Variants in CADPS observed in about 807,000 individuals in gnomAD.
CADPS encodes the protein calcium-dependent secretion activator 1.
A neutral mutation model predicts 167.3 loss-of-function variants in CADPS; 57 were observed. That is an observed-to-expected ratio of 0.34 (90% CI 0.28 to 0.42). CADPS has a LOEUF of 0.42. Ranked by LOEUF, CADPS falls within the 20% of genes least tolerant of loss-of-function variation. The pLI, the probability that CADPS is intolerant of heterozygous loss-of-function variation, is 1.00. For synonymous variants in CADPS, 676 were observed against 635.3 expected (o/e 1.06, Z -0.96); for missense variants, 1,414 against 1,738.1 (o/e 0.81, Z 3.32).
chr3:62,449,798 A>AGT (rs71786216), intron 26 of CADPS, among the ~76,000 whole-genome samples: 44,382 of 150,348 alleles, frequency 0.3, 6,680 homozygotes, highest in Middle Eastern at 0.41. Flanking sequence ...TTGTTAAAAG[A>AGT]GTGTGTGTGT....
chr3:62,592,579 G>A lies in CADPS; in HGVS notation c.1437+58C>T, dbSNP rs536102981. 211 of 1,331,362 alleles carry A rather than the reference G, an allele frequency of 1.6e-4. 2 individuals carry two copies. In the South Asian group the frequency reaches 2.4e-3, roughly 15 times the overall value. The allele number at this position is 1,331,362 out of a possible 1,614,324, so 82.5% of individuals were successfully genotyped here. A position where few individuals can be genotyped will look rare whatever the true frequency, so the allele number is the denominator to read the frequency against. On this transcript the variant is annotated intron_variant, in intron 7 of 29. Transcript: ENST00000383710. ...CTGCCTCTTGGTGACCTGTGCACTG[G>A]AGACCTAGCTGGGGAAATCCTCTCT... is the stretch of plus-strand genomic sequence containing the variant.
intron 7 of CADPS, 106 bp from the exon 8 acceptor site, chr3:62,585,430 T>A: frequency 1.7e-6 from 2 of 1,157,542 alleles, no homozygotes; most frequent in East Asian, 2.5e-5. Flanking sequence ...CAATTCCCAC[T>A]GTGGAGCAGC....
intron 3 of CADPS, among the ~76,000 whole-genome samples, chr3:62,732,373 A>C (rs368537872): frequency 7.2e-5 from 11 of 152,280 alleles, no homozygotes; most frequent in African/African-American, 2.6e-4. Context: ...GCCCACAAGG[A>C]ACTGAATCCT....
chr3:62,470,925 G>A (rs374798311), intron 24 of CADPS, among the ~76,000 whole-genome samples: 2 of 152,210 alleles, frequency 1.3e-5, no homozygotes, highest in East Asian at 1.9e-4. Flanking sequence ...TGAGTCACAT[G>A]GGGAGAGTAT....
At chr3:62,770,147 C>G (rs930227959) in intron 1 of CADPS, among the ~76,000 whole-genome samples, 5 of 152,170 alleles carry the variant, frequency 3.3e-5, no homozygotes, top group African/African-American at 1.2e-4. Flanking sequence ...TTTGCTCTTG[C>G]TGTTCCCTTT....
intron 9 of CADPS, among the ~76,000 whole-genome samples, chr3:62,568,955 G>A (rs999292967): frequency 1.3e-5 from 2 of 152,120 alleles, no homozygotes; most frequent in Non-Finnish European, 2.9e-5. Context: ...CTTTCTGGGA[G>A]CTAAATACCA....
chr3:62,774,160 GA>G (rs2089676864), intron 1 of CADPS, among the ~76,000 whole-genome samples: 1 of 152,040 alleles, frequency 6.6e-6, no homozygotes, highest in Admixed American at 6.6e-5. Flanking sequence ...AAGAGAAGAG[GA>G]AAAGGATCAA....
chr3:62,557,715 C>G (rs1024844601), intron 9 of CADPS, among the ~76,000 whole-genome samples: 1 of 152,180 alleles, frequency 6.6e-6, no homozygotes, highest in African/African-American at 2.4e-5. Context: ...TGGATACAAT[C>G]TTAGAACCTA....
At chr3:62,472,554 G>A (rs2060752609) in intron 24 of CADPS, among the ~76,000 whole-genome samples, 1 of 152,188 alleles carries the variant, frequency 6.6e-6, no homozygotes, top group Non-Finnish European at 1.5e-5. Flanking sequence ...GTGAAGAGGT[G>A]CAGAGCAGAG....
intron 6 of CADPS, among the ~76,000 whole-genome samples, chr3:62,615,831 T>C (rs1279251003): frequency 6.6e-6 from 1 of 152,210 alleles, no homozygotes; most frequent in African/African-American, 2.4e-5. Context: ...ATCAGAATTC[T>C]GTGACTATTC....
rs2058558864 is a variant in CADPS at position 62,455,276 on chromosome 3, T to C, written c.3637-9479A>G. The stretch of plus-strand genomic sequence containing the variant: ...CTCAAGGGCTCCCTCAGACCCAGCC[T>C]CTTAACACTGCTGATACTTAACAAT... On this transcript the variant is annotated intron_variant, in intron 26 of 29. Coordinates refer to ENST00000383710, the MANE Select transcript of CADPS (RefSeq NM_003716.4). The surrounding 1 kb of genome is among the most constrained non-coding windows in gnomAD (Gnocchi z 4.4). Among the ~76,000 whole-genome samples, 1 of 152,018 alleles carries C rather than the reference T, an allele frequency of 6.6e-6. No homozygotes were observed. The highest frequency in any genetic ancestry group is 1.5e-5 in the Non-Finnish European group (1 of 68,008).
At chr3:62,783,323 C>A (rs1234142816) in intron 1 of CADPS, among the ~76,000 whole-genome samples, 1 of 151,788 alleles carries the variant, frequency 6.6e-6, no homozygotes, top group Non-Finnish European at 1.5e-5. Context: ...CTATTGTTTC[C>A]TTCTACAGAC....
At chr3:62,744,083 A>G (rs1158498169) in intron 3 of CADPS, among the ~76,000 whole-genome samples, 1 of 152,176 alleles carries the variant, frequency 6.6e-6, no homozygotes, top group African/African-American at 2.4e-5. Flanking sequence ...AAAAAATTGT[A>G]CAACCCCCCT....
At chr3:62,590,791 TAG>T (rs1460511745) in intron 7 of CADPS, among the ~76,000 whole-genome samples, 4 of 152,282 alleles carry the variant, frequency 2.6e-5, no homozygotes, top group African/African-American at 9.6e-5. Flanking sequence ...TGAGATCACG[TAG>T]CTTTCAGGAG....
chr3:62,781,792 CTT>C (rs2091689790), intron 1 of CADPS, among the ~76,000 whole-genome samples: 2 of 152,224 alleles, frequency 1.3e-5, no homozygotes, highest in South Asian at 2.1e-4. Context: ...CATTCCAAGT[CTT>C]TGCACCTCAA....
At chr3:62,715,482 A>G (rs1212585597) in intron 3 of CADPS, among the ~76,000 whole-genome samples, 3 of 150,362 alleles carry the variant, frequency 2.0e-5, no homozygotes, top group African/African-American at 7.3e-5. Flanking sequence ...CACAAAAGAT[A>G]CCATATTTTG....
intron 1 of CADPS, among the ~76,000 whole-genome samples, chr3:62,808,238 G>C (rs992034105): frequency 2.6e-5 from 1 of 38,500 alleles, no homozygotes. Context: ...TATCTAAATG[G>C]AATAAAAATA....
chr3:62,446,575 A>G lies in CADPS; in HGVS notation c.3637-778T>C, dbSNP rs1185491942. ...ACCTCATCTGCAAAATGGAGTTATT[A>G]TTAGTAATAGTGCTTATTTCCGCAG... is the stretch of plus-strand genomic sequence containing the variant. On this transcript the variant is annotated intron_variant, in intron 26 of 29. Coordinates refer to ENST00000383710, the MANE Select transcript of CADPS (RefSeq NM_003716.4). The surrounding 1 kb of genome is among the most constrained non-coding windows in gnomAD (Gnocchi z 4.9). Among the ~76,000 whole-genome samples the G allele has an allele frequency of 2.0e-5, 3 of 152,156 alleles. No homozygotes were observed. Among genetic ancestry groups the G allele is most frequent in the Non-Finnish European group, 4.4e-5 (3 of 68,030 alleles).
intron 2 of CADPS, among the ~76,000 whole-genome samples, chr3:62,759,561 A>G (rs1027120018): frequency 4.6e-5 from 7 of 152,130 alleles, no homozygotes; most frequent in African/African-American, 7.2e-5. Flanking sequence ...CATTTGTGTG[A>G]CCTTTGGAAA....
Sources: allele counts gnomAD v4.1 joint callset (sites outside exome capture counted in the v4.1 genomes callset), GRCh38; gene constraint gnomAD v4.1.1; non-coding constraint Gnocchi (gnomAD v3.1); transcripts MANE v1.5; gene names NCBI Gene and HGNC (gene_info 2026-07-23, HGNC 2026-07-21).